Variants in KCNIP1 observed in about 807,000 individuals in gnomAD.
KCNIP1 encodes the protein A-type potassium channel modulatory protein KCNIP1.
A neutral mutation model predicts 33.0 loss-of-function variants in KCNIP1; 18 were observed. That is an observed-to-expected ratio of 0.55 (90% CI 0.38 to 0.81). KCNIP1 has a LOEUF of 0.81. Among genes scored for constraint, KCNIP1 ranks in the 30% least tolerant of loss-of-function variants. The pLI is 0.00. For synonymous variants in KCNIP1, 93 were observed against 98.3 expected, an observed-to-expected ratio of 0.95 and a Z score of 0.32; for missense variants, 238 against 271.6, an observed-to-expected ratio of 0.88 and a Z score of 0.87.
chr5:170,464,532 G>C (rs1296868989), intron 1 of KCNIP1, among the ~76,000 whole-genome samples: 1 of 152,214 alleles, frequency 6.6e-6, no homozygotes, highest in Admixed American at 6.5e-5. Flanking sequence ...AACTGAGTAC[G>C]GTAATATTTA....
intron 1 of KCNIP1, among the ~76,000 whole-genome samples, chr5:170,611,699 T>C (rs1364548680): frequency 6.6e-6 from 1 of 152,186 alleles, no homozygotes; most frequent in Non-Finnish European, 1.5e-5. Flanking sequence ...AACCTCTTCC[T>C]GACCTAATCG....
rs72645778 is a variant in KCNIP1 at position 170,582,794 on chromosome 5, A to G, written c.61+78161A>G. 4.7e-3 allele frequency among the ~76,000 whole-genome samples: 721 copies of G among 152,348 alleles called. 14 individuals carry two copies. The East Asian group carries it at 0.081, about 17-fold the overall frequency. ...CACCCACAGTCCTACAAATTGGGGA[A>G]GAGCCAGAGGCAATAAATGTGTGGG... On this transcript the variant is annotated intron_variant, in intron 1 of 7. Transcript: ENST00000328939.
At chr5:170,710,931 C>G (rs1320892006) in intron 1 of KCNIP1, among the ~76,000 whole-genome samples, 1 of 152,222 alleles carries the variant, frequency 6.6e-6, no homozygotes, top group Non-Finnish European at 1.5e-5. Context: ...CATGTCAACA[C>G]TGTTTTGAAA....
intron 1 of KCNIP1, among the ~76,000 whole-genome samples, chr5:170,427,157 A>G (rs115425245): frequency 0.012 from 1,861 of 152,284 alleles, 39 homozygotes; most frequent in African/African-American, 0.043. Context: ...TGCCAAATGG[A>G]AATAATAGCA....
At chr5:170,719,738 C>T (rs1763753807) in intron 2 of KCNIP1, among the ~76,000 whole-genome samples, 1 of 152,168 alleles carries the variant, frequency 6.6e-6, no homozygotes, top group Non-Finnish European at 1.5e-5. Flanking sequence ...ATGCCTCTTC[C>T]TTCCACACTA....
intron 1 of KCNIP1, among the ~76,000 whole-genome samples, chr5:170,370,240 CACTT>C (rs1256284175): frequency 6.6e-6 from 1 of 152,162 alleles, no homozygotes; most frequent in African/African-American, 2.4e-5. Flanking sequence ...GAAGGAGACA[CACTT>C]ACTTGAAGAG....
chr5:170,731,063 G>C (rs1561788319), intron 5 of KCNIP1, among the ~76,000 whole-genome samples: 1 of 151,946 alleles, frequency 6.6e-6, no homozygotes, highest in Admixed American at 6.6e-5. Flanking sequence ...AAGTATAGAA[G>C]GAATAAAGGA....
intron 1 of KCNIP1, among the ~76,000 whole-genome samples, chr5:170,602,916 G>A (rs182177380): frequency 2.6e-5 from 4 of 152,170 alleles, no homozygotes; most frequent in Non-Finnish European, 4.4e-5. Context: ...GTTCGGCGCC[G>A]CATCACACAG....
chr5:170,398,753 C>T (rs1754821254), intron 1 of KCNIP1, among the ~76,000 whole-genome samples: 1 of 152,202 alleles, frequency 6.6e-6, no homozygotes, highest in Non-Finnish European at 1.5e-5. Context: ...GCTGAATGCC[C>T]CACCCCAATC....
intron 1 of KCNIP1, among the ~76,000 whole-genome samples, chr5:170,400,900 C>G (rs771587363): frequency 6.6e-6 from 1 of 152,234 alleles, no homozygotes; most frequent in Non-Finnish European, 1.5e-5. Context: ...TAAATGTGAA[C>G]AGTGTAAGTG....
chr5:170,589,783 A>ATGTGGTG (rs1758153159), intron 1 of KCNIP1, among the ~76,000 whole-genome samples: 1 of 52,696 alleles, frequency 1.9e-5, no homozygotes, highest in Non-Finnish European at 6.1e-5. Flanking sequence ...GTGTGGTGTG[A>ATGTGGTG]TGTGATGTGG....
At chr5:170,356,457 C>G (rs1763351008) in intron 1 of KCNIP1, among the ~76,000 whole-genome samples, 1 of 152,176 alleles carries the variant, frequency 6.6e-6, no homozygotes, top group Admixed American at 6.5e-5. Flanking sequence ...CCTGCCATGC[C>G]AGAAATCCTT....
chr5:170,478,626 GC>G (rs1293845728), intron 1 of KCNIP1, among the ~76,000 whole-genome samples: 1 of 152,162 alleles, frequency 6.6e-6, no homozygotes, highest in African/African-American at 2.4e-5. Flanking sequence ...TCTCTACCAA[GC>G]CCAGTTTTCC....
rs561633562 is a variant in KCNIP1 at position 170,413,734 on chromosome 5, T to C, written c.88+59770T>C. ...TGCCACATGGAATGAGGGCAGGGCC[T>C]CCCTCTCAGCACAGACTGGTCTCCT... On this transcript the variant is annotated intron_variant, in intron 1 of 7. Transcript: ENST00000377360. 2.0e-4 allele frequency among the ~76,000 whole-genome samples: 30 copies of C among 152,164 alleles called. No individual in the cohort carries two copies. In the East Asian group the frequency reaches 5.8e-3, roughly 30 times the overall value.
intron 1 of KCNIP1, among the ~76,000 whole-genome samples, chr5:170,575,842 T>G (rs1026211268): frequency 6.6e-6 from 1 of 152,252 alleles, no homozygotes; most frequent in African/African-American, 2.4e-5. Context: ...GCAATTCACC[T>G]TATTACAACT....
At chr5:170,427,408 T>C (rs752804522) in intron 1 of KCNIP1, among the ~76,000 whole-genome samples, 3 of 152,220 alleles carry the variant, frequency 2.0e-5, no homozygotes, top group Non-Finnish European at 4.4e-5. Context: ...CCATCTCATC[T>C]AATCCTCACT....
At position 170,504,929 on chromosome 5, in the gene KCNIP1, G is replaced by A. The variant is rs551391593; in HGVS notation, c.61+296G>A. Among the ~76,000 whole-genome samples, 11 of 152,200 alleles carry A rather than the reference G, an allele frequency of 7.2e-5. No homozygotes were observed. The highest frequency in any genetic ancestry group is 1.6e-4 in the Non-Finnish European group (11 of 68,034). ...CGAAGGAAGCGGCATGTTCACAGGT[G>A]GGGGTGACCGGATTCTCTGGTGGAA... On this transcript the variant is annotated intron_variant, in intron 1 of 7. Coordinates refer to ENST00000328939, the MANE Select transcript of KCNIP1 (RefSeq NM_014592.4). The surrounding 1 kb of genome is among the most constrained non-coding windows in gnomAD (Gnocchi z 6.0).
chr5:170,453,215 C>A (rs532843266), intron 1 of KCNIP1, among the ~76,000 whole-genome samples: 1 of 152,176 alleles, frequency 6.6e-6, no homozygotes, highest in Non-Finnish European at 1.5e-5. Context: ...AATGCATTTA[C>A]GCTCAGCAGC....
At chr5:170,711,271 C>T (rs766901204) in intron 1 of KCNIP1, among the ~76,000 whole-genome samples, 5 of 152,222 alleles carry the variant, frequency 3.3e-5, no homozygotes, top group Non-Finnish European at 5.9e-5. Flanking sequence ...TGACTACTGG[C>T]ATTTGAGTTT....
Sources: allele counts gnomAD v4.1 joint callset (sites outside exome capture counted in the v4.1 genomes callset), GRCh38; gene constraint gnomAD v4.1.1; non-coding constraint Gnocchi (gnomAD v3.1); transcripts MANE v1.5; gene names NCBI Gene and HGNC (gene_info 2026-07-23, HGNC 2026-07-21).